Variants in NDUFA8 observed in about 807,000 individuals in gnomAD.
The protein encoded by NDUFA8 is NADH:ubiquinone oxidoreductase subunit A8.
In NDUFA8, 16 loss-of-function variants were observed where a neutral mutation model predicts 20.9. The ratio of observed to expected loss-of-function variants is 0.77; its 90% CI spans 0.52 to 1.16. The LOEUF is 1.16. Among genes scored for constraint, NDUFA8 ranks in the 50% most tolerant of loss-of-function variants. The probability of loss-of-function intolerance (pLI) is 0.00; values close to 1 mark genes in which losing one functional copy is unlikely to be tolerated. For missense variants in NDUFA8, 202 were observed against 216.4 expected, an observed-to-expected ratio of 0.93 and a Z score of 0.42; for synonymous variants, 70 against 76.1, an observed-to-expected ratio of 0.92 and a Z score of 0.41.
chr9:122,138,073 A>C, the NDUFA8 span, among the ~76,000 whole-genome samples: 1 of 152,342 alleles, frequency 6.6e-6, no homozygotes, highest in East Asian at 1.9e-4. Context: ...CAAATAAATA[A>C]ATAAAGCCTT....
intron 1 of NDUFA8, among the ~76,000 whole-genome samples, 195 bp downstream of exon 1, chr9:122,159,432 C>T (rs183759835): frequency 3.5e-4 from 53 of 152,140 alleles, no homozygotes; most frequent in Admixed American, 3.5e-3. Context: ...CTGCAAGATG[C>T]GACAGGGTGG....
chr9:122,137,011 G>T, the NDUFA8 span, among the ~76,000 whole-genome samples: 3 of 151,952 alleles, frequency 2.0e-5, no homozygotes, highest in Non-Finnish European at 4.4e-5. Flanking sequence ...TAATCTTCCC[G>T]ATCCATTCCT....
the NDUFA8 span, among the ~76,000 whole-genome samples, chr9:122,136,701 C>T: frequency 2.6e-5 from 4 of 152,132 alleles, no homozygotes; most frequent in Non-Finnish European, 4.4e-5. Flanking sequence ...GGATTACAGG[C>T]GCCCACCAGC....
chr9:122,135,076 C>T, the NDUFA8 span, among the ~76,000 whole-genome samples: 3 of 152,164 alleles, frequency 2.0e-5, no homozygotes, highest in African/African-American at 7.2e-5. Flanking sequence ...AACAGGGGGC[C>T]CCCGTGCTGG....
intron 1 of NDUFA8, 105 bp downstream of exon 1, chr9:122,159,522 A>G: frequency 7.2e-7 from 1 of 1,393,964 alleles, no homozygotes; most frequent in Non-Finnish European, 1.0e-6. Context: ...AGGACTGGGG[A>G]GGGGGGCCCG....
chr9:122,138,865 T>TGGGGG, the NDUFA8 span, among the ~76,000 whole-genome samples: 107 of 89,416 alleles, frequency 1.2e-3, no homozygotes, highest in Non-Finnish European at 1.5e-3. Flanking sequence ...CAAGAAGAGG[T>TGGGGG]GGGGGGGGGG....
chr9:122,152,975 A>G (rs1829027661), intron 1 of NDUFA8, among the ~76,000 whole-genome samples: 1 of 152,006 alleles, frequency 6.6e-6, no homozygotes, highest in Non-Finnish European at 1.5e-5. Context: ...AAATTAATAG[A>G]TATATAAGGC....
chr9:122,155,487 A>C (rs1829065024), intron 1 of NDUFA8, among the ~76,000 whole-genome samples: 1 of 152,266 alleles, frequency 6.6e-6, no homozygotes, highest in Non-Finnish European at 1.5e-5. Flanking sequence ...TAAAGTTATG[A>C]CTATGTCTAT....
At chr9:122,149,982 TAAAC>T (rs1293062980) in intron 2 of NDUFA8, among the ~76,000 whole-genome samples, 1 of 151,010 alleles carries the variant, frequency 6.6e-6, no homozygotes, top group Non-Finnish European at 1.5e-5. Context: ...ATTGTTTAAA[TAAAC>T]ACACACACAG....
At chr9:122,147,681 T>C (rs1186628931) in intron 3 of NDUFA8, among the ~76,000 whole-genome samples, 1 of 130,100 alleles carries the variant, frequency 7.7e-6, no homozygotes, top group Non-Finnish European at 1.5e-5. Flanking sequence ...GGAGTGGAGG[T>C]AGTGGCACAA....
At chr9:122,146,726 G>A (rs1448622227) in intron 3 of NDUFA8, among the ~76,000 whole-genome samples, 1 of 152,148 alleles carries the variant, frequency 6.6e-6, no homozygotes, top group Non-Finnish European at 1.5e-5. Context: ...GCAAAATCCT[G>A]TCTCTACTAA....
At chr9:122,141,910 AG>A (rs898402726), downstream of NDUFA8, among the ~76,000 whole-genome samples, 1 of 152,136 alleles carries the variant, frequency 6.6e-6, no homozygotes, top group Non-Finnish European at 1.5e-5. Flanking sequence ...CAAGGTGGGG[AG>A]GGGGGAGGCA....
downstream of NDUFA8, among the ~76,000 whole-genome samples, chr9:122,141,641 A>G (rs1255572629): frequency 2.0e-5 from 3 of 152,198 alleles, no homozygotes; most frequent in South Asian, 6.2e-4. Flanking sequence ...AATTCATCTC[A>G]TTATTCTCAA....
intron 3 of NDUFA8, among the ~76,000 whole-genome samples, chr9:122,144,617 C>T (rs1175058240): frequency 6.6e-6 from 1 of 152,146 alleles, no homozygotes; most frequent in African/African-American, 2.4e-5. Flanking sequence ...AGATACTGTC[C>T]TCAAGGGGAT....
At chr9:122,144,003 G>A, downstream of NDUFA8, 2 of 1,269,108 alleles carry the variant, frequency 1.6e-6, no homozygotes, top group South Asian at 3.2e-5. Flanking sequence ...AAAAAGCAAG[G>A]GGAAGTCATC....
intron 3 of NDUFA8, among the ~76,000 whole-genome samples, chr9:122,147,143 G>T (rs1828916168): frequency 6.6e-6 from 1 of 152,064 alleles, no homozygotes; most frequent in South Asian, 2.1e-4. Flanking sequence ...TTCATCTAAA[G>T]CCCACATTGA....
At chr9:122,157,211 T>TA (rs558858382) in intron 1 of NDUFA8, among the ~76,000 whole-genome samples, 37 of 152,342 alleles carry the variant, frequency 2.4e-4, no homozygotes, top group African/African-American at 7.7e-4. Flanking sequence ...TACCCTCACT[T>TA]AGAGGGGTCT....
chr9:122,133,337 A>T, the NDUFA8 span, among the ~76,000 whole-genome samples: 1,678 of 152,166 alleles, frequency 0.011, 36 homozygotes, highest in African/African-American at 0.039. Flanking sequence ...CTTCCTCCTT[A>T]TCCAGGCAGG....
chr9:122,138,267 GGCATGCAATTTATATTTCTT>G, the NDUFA8 span, among the ~76,000 whole-genome samples: 11 of 152,244 alleles, frequency 7.2e-5, no homozygotes, highest in South Asian at 2.1e-4. Flanking sequence ...AAGGAATACT[GGCATGCAATTTATATTTCTT>G]GCATGCAATT....
Sources: gnomAD v4.1 joint callset for allele counts (sites outside exome capture counted in the v4.1 genomes callset) on GRCh38, gnomAD v4.1.1 for gene constraint, MANE v1.5 for transcripts, NCBI Gene and HGNC (gene_info 2026-07-23, HGNC 2026-07-21) for gene names.